Variants in VAV3 observed in about 807,000 individuals in gnomAD.
VAV3 encodes the protein guanine nucleotide exchange factor VAV3.
VAV3 carries 94 observed loss-of-function variants against 131.2 expected under a neutral mutation model. The ratio of observed to expected loss-of-function variants is 0.72; its 90% CI spans 0.61 to 0.85. The LOEUF (loss-of-function observed/expected upper bound fraction) is 0.85. Among genes scored for constraint, VAV3 ranks in the 40% least tolerant of loss-of-function variants. The pLI, the probability that VAV3 is intolerant of heterozygous loss-of-function variation, is 0.00. For missense variants in VAV3, 939 were observed against 1,002.7 expected, an observed-to-expected ratio of 0.94 and a Z score of 0.86; for synonymous variants, 349 against 342.0, an observed-to-expected ratio of 1.02 and a Z score of -0.22.
chr1:107,843,636 C>A (rs565290565), intron 2 of VAV3, among the ~76,000 whole-genome samples: 4 of 151,412 alleles, frequency 2.6e-5, no homozygotes, highest in Non-Finnish European at 4.4e-5. Context: ...TCCACATTAC[C>A]GAGGAATATT....
intron 1 of VAV3, 167 bp downstream of exon 1, chr1:107,964,499 G>T (rs778355141): frequency 1.8e-5 from 12 of 680,438 alleles, no homozygotes; most frequent in Admixed American, 3.1e-5. Flanking sequence ...ACCATTTCAA[G>T]CCAAGGTAGG....
chr1:107,645,401 A>T (rs553385131), intron 19 of VAV3, among the ~76,000 whole-genome samples: 12 of 151,548 alleles, frequency 7.9e-5, no homozygotes, highest in Non-Finnish European at 1.0e-4. Context: ...TTTCAGCATG[A>T]TCTGTTGTCA....
chr1:107,635,641 T>C (rs1654872347), intron 20 of VAV3, among the ~76,000 whole-genome samples: 1 of 151,756 alleles, frequency 6.6e-6, no homozygotes, highest in African/African-American at 2.4e-5. Flanking sequence ...TTTTAAAAAA[T>C]CACAAAACTG....
intron 25 of VAV3, among the ~76,000 whole-genome samples, chr1:107,576,042 C>T (rs936627925): frequency 6.6e-6 from 1 of 152,052 alleles, no homozygotes; most frequent in African/African-American, 2.4e-5. Context: ...CATGAAAATA[C>T]ATAAACATTG....
rs114070049 is a variant in VAV3 at position 107,633,758 on chromosome 1, G to C, written c.1914+8861C>G. On this transcript the variant is annotated intron_variant, in intron 20 of 26. Coordinates refer to ENST00000370056, the MANE Select transcript of VAV3 (RefSeq NM_006113.5). Reference sequence around the variant, plus strand: ...ACTCTTGGGAGCCAGCTACCATATAGGAAGTCTAAGTACCCTGCGATCACC... The same window carrying C: ...ACTCTTGGGAGCCAGCTACCATATACGAAGTCTAAGTACCCTGCGATCACC... 8.4e-3 allele frequency among the ~76,000 whole-genome samples: 1,283 copies of C among 152,224 alleles called. 13 individuals are homozygous for C. Among genetic ancestry groups the C allele is most frequent in the Non-Finnish European group, 0.013 (891 of 68,008 alleles).
At chr1:107,612,988 C>A (rs1195592273) in intron 21 of VAV3, among the ~76,000 whole-genome samples, 1 of 152,132 alleles carries the variant, frequency 6.6e-6, no homozygotes, top group African/African-American at 2.4e-5. Context: ...TTCTCCTGGG[C>A]AGTGCCTTCA....
At chr1:107,573,509 GT>G in intron 26 of VAV3, 137 bp from the exon 27 acceptor site, 1 of 961,462 alleles carries the variant, frequency 1.0e-6, no homozygotes, top group Non-Finnish European at 1.6e-6. Context: ...GAGAAGATTG[GT>G]TTAACTGCTC....
chr1:107,757,617 T>C (rs537781728), intron 10 of VAV3, among the ~76,000 whole-genome samples: 28 of 152,328 alleles, frequency 1.8e-4, no homozygotes, highest in African/African-American at 6.3e-4. Context: ...AAAGATTCCA[T>C]AATGATTAAA....
chr1:107,901,800 T>C (rs1396024361), intron 1 of VAV3, among the ~76,000 whole-genome samples: 2 of 152,250 alleles, frequency 1.3e-5, no homozygotes, highest in African/African-American at 2.4e-5. Context: ...CCCAGCACTT[T>C]GGGAGGCCAA....
At chr1:107,781,270 G>C (rs1287892816) in intron 2 of VAV3, among the ~76,000 whole-genome samples, 1 of 152,080 alleles carries the variant, frequency 6.6e-6, no homozygotes, top group South Asian at 2.1e-4. Flanking sequence ...GCTTAACTCA[G>C]TAAATGTGAA....
intron 1 of VAV3, among the ~76,000 whole-genome samples, chr1:107,942,771 T>C (rs1053588920): frequency 6.6e-6 from 1 of 152,214 alleles, no homozygotes; most frequent in African/African-American, 2.4e-5. Flanking sequence ...CTTAACTTTC[T>C]GGTTTGCAAT....
chr1:107,637,354 G>A (rs914330259), intron 20 of VAV3, among the ~76,000 whole-genome samples: 2 of 152,056 alleles, frequency 1.3e-5, no homozygotes, highest in Non-Finnish European at 2.9e-5. Context: ...CAGGCGTGCT[G>A]ACTCACGCCT....
At chr1:107,725,988 G>A (rs1478653208) in intron 15 of VAV3, among the ~76,000 whole-genome samples, 1 of 152,064 alleles carries the variant, frequency 6.6e-6, no homozygotes, top group Admixed American at 6.6e-5. Flanking sequence ...TCTGATAGAT[G>A]AAGGAAAACA....
At chr1:107,685,643 A>G (rs988941450) in intron 18 of VAV3, 3 of 152,306 alleles carry the variant, frequency 2.0e-5, no homozygotes, top group South Asian at 2.1e-4. Flanking sequence ...AAAAAATAAC[A>G]TCGGAGGAAT....
intron 19 of VAV3, among the ~76,000 whole-genome samples, chr1:107,648,256 T>A (rs1432760007): frequency 2.6e-5 from 4 of 152,044 alleles, no homozygotes; most frequent in Non-Finnish European, 5.9e-5. Context: ...TTCAACTTCA[T>A]AACCACTGAC....
intron 2 of VAV3, among the ~76,000 whole-genome samples, chr1:107,843,382 A>ATATG (rs1668815410): frequency 6.8e-6 from 1 of 147,590 alleles, no homozygotes; most frequent in Non-Finnish European, 1.5e-5. Flanking sequence ...ATATATATAT[A>ATATG]TATATATAGT....
intron 2 of VAV3, among the ~76,000 whole-genome samples, chr1:107,781,827 T>C (rs1665706901): frequency 6.6e-6 from 1 of 152,142 alleles, no homozygotes; most frequent in African/African-American, 2.4e-5. Context: ...TTCCCCATAA[T>C]AAAGATAAAA....
At chr1:107,706,203 T>G (rs575612814) in intron 15 of VAV3, among the ~76,000 whole-genome samples, 1 of 152,142 alleles carries the variant, frequency 6.6e-6, no homozygotes, top group African/African-American at 2.4e-5. Flanking sequence ...GAGATACTGA[T>G]GAGCCAGGAT....
chr1:107,757,749 G>A lies in VAV3; in HGVS notation c.1018-420C>T, dbSNP rs1003800612. Among the ~76,000 whole-genome samples, 4 of 152,048 alleles carry A rather than the reference G, an allele frequency of 2.6e-5. No individual in the cohort carries two copies. In the South Asian group the frequency reaches 6.2e-4, roughly 24 times the overall value. ...TGTTGTTGTTATTGCTGTTAAAATTGTTCATCTGTCCATCCTAAATTTCTG... is the reference window on the plus strand; with the variant it reads ...TGTTGTTGTTATTGCTGTTAAAATTATTCATCTGTCCATCCTAAATTTCTG... On this transcript the variant is annotated intron_variant, in intron 10 of 26. Transcript: ENST00000370056.
Sources: allele counts gnomAD v4.1 joint callset (sites outside exome capture counted in the v4.1 genomes callset), GRCh38; gene constraint gnomAD v4.1.1; transcripts MANE v1.5; gene names NCBI Gene and HGNC (gene_info 2026-07-23, HGNC 2026-07-21).